The following ARID1B variants were observed in gnomAD, a reference collection of about 807,000 sequenced individuals.
ARID1B encodes AT-rich interactive domain-containing protein 1B.
ARID1B carries 30 observed loss-of-function variants against 212.3 expected under a neutral mutation model. The observed-to-expected ratio is 0.14, with a 90% CI of 0.11 to 0.19. The LOEUF (loss-of-function observed/expected upper bound fraction) is 0.19. Ranked by LOEUF, ARID1B falls within the 10% of genes least tolerant of loss-of-function variation. The probability of loss-of-function intolerance (pLI) is 1.00; values close to 1 mark genes in which losing one functional copy is unlikely to be tolerated. For missense variants in ARID1B, 2,891 were observed against 3,204.0 expected (o/e 0.90, Z 2.36); for synonymous variants, 1,402 against 1,301.7 (o/e 1.08, Z -1.66).
chr6:156,957,886 C>T (rs1794084856), intron 4 of ARID1B, among the ~76,000 whole-genome samples: 1 of 152,096 alleles, frequency 6.6e-6, no homozygotes, highest in African/African-American at 2.4e-5. Flanking sequence ...CCCTTCCAAG[C>T]CCCCCAAACA....
chr6:156,782,143 T>G (rs891550220), intron 1 of ARID1B, among the ~76,000 whole-genome samples: 3 of 151,780 alleles, frequency 2.0e-5, no homozygotes, highest in Non-Finnish European at 4.4e-5. Context: ...TTATTTAGTA[T>G]TAGTTGTTGT....
At position 157,206,220 on chromosome 6, in the gene ARID1B, C is replaced by T; in HGVS notation, c.5448C>T (p.Asp1816=). The part of the protein sequence containing the change: ...LVEYFRKCLI[D]IFGILMEYEV... ...AGTACTTTAGAAAATGCCTGATTGACATTTTTGGAATTCTTATGGAATATG... is the reference window on the plus strand; with the variant it reads ...AGTACTTTAGAAAATGCCTGATTGATATTTTTGGAATTCTTATGGAATATG... Residue 1816 remains aspartate (D), a synonymous_variant, in exon 20 of 20, where the codon GAC becomes GAT. Transcript: ENST00000636930. The surrounding 1 kb of genome is among the most constrained non-coding windows in gnomAD (Gnocchi z 6.8). 2 of 1,614,172 alleles carry T rather than the reference C, an allele frequency of 1.2e-6. No homozygotes were observed. The highest frequency in any genetic ancestry group is 1.7e-6 in the Non-Finnish European group (2 of 1,180,030).
intron 1 of ARID1B, among the ~76,000 whole-genome samples, chr6:156,791,461 A>G (rs1780001063): frequency 6.6e-6 from 1 of 152,176 alleles, no homozygotes; most frequent in Non-Finnish European, 1.5e-5. Context: ...GTTTAAGACA[A>G]CCCCTTACGT....
chr6:157,168,550 G>A (rs1199336018), intron 9 of ARID1B: 1 of 152,144 alleles, frequency 6.6e-6, no homozygotes, highest in African/African-American at 2.4e-5. Context: ...TTACTTGAGA[G>A]CATTGAAACC....
At chr6:157,023,853 T>C (rs1172015332) in intron 4 of ARID1B, 1 of 152,222 alleles carries the variant, frequency 6.6e-6, no homozygotes, top group African/African-American at 2.4e-5. Context: ...TTGCCAAAGG[T>C]AGTCTTGATG....
At chr6:156,815,648 G>C (rs924266351) in intron 1 of ARID1B, among the ~76,000 whole-genome samples, 1 of 152,052 alleles carries the variant, frequency 6.6e-6, no homozygotes, top group Non-Finnish European at 1.5e-5. Flanking sequence ...CACATGAGAG[G>C]CCCAGTGATT....
intron 1 of ARID1B, among the ~76,000 whole-genome samples, chr6:156,790,459 C>T (rs1430880367): frequency 2.0e-5 from 3 of 152,134 alleles, no homozygotes; most frequent in African/African-American, 7.2e-5. Flanking sequence ...CAGACAATAA[C>T]TCTGGCCTCA....
chr6:156,782,153 T>A (rs73572241), intron 1 of ARID1B, among the ~76,000 whole-genome samples: 3,186 of 151,926 alleles, frequency 0.021, 119 homozygotes, highest in African/African-American at 0.073. Context: ...TTAGTTGTTG[T>A]AATTATACTA....
At chr6:156,849,026 A>G (rs1327529207) in intron 2 of ARID1B, among the ~76,000 whole-genome samples, 1 of 152,188 alleles carries the variant, frequency 6.6e-6, no homozygotes. Context: ...ACTTTCACTA[A>G]TTAACTGAGC....
In ARID1B at chr6:157,200,580, T is replaced by C. The variant is rs895849468; in HGVS notation, c.4480-125T>C. The C allele has an allele frequency of 2.2e-5, 24 of 1,088,218 alleles. No homozygotes were observed. The highest frequency in any genetic ancestry group is 7.9e-5 in the African/African-American group (5 of 63,054). 67.4% of individuals were successfully genotyped at this position (1,088,218 alleles called of 1,614,324 possible). On this transcript the variant is annotated intron_variant, in intron 17 of 19. Coordinates refer to ENST00000636930, the MANE Select transcript of ARID1B (RefSeq NM_001374828.1). This position sits in a 1 kb window ranked among gnomAD's most constrained non-coding sequence, Gnocchi z 4.3. ...ATAAATTGTTAGTTCTCTGTTGTTA[T>C]AGGAGCTTCCCATATTCATTTTGAA... is the stretch of plus-strand genomic sequence containing the variant.
At chr6:156,794,971 G>T (rs934160651) in intron 1 of ARID1B, among the ~76,000 whole-genome samples, 2 of 152,172 alleles carry the variant, frequency 1.3e-5, no homozygotes, top group Non-Finnish European at 2.9e-5. Flanking sequence ...GGCTACAAGG[G>T]CTGGAGGGTG....
intron 2 of ARID1B, among the ~76,000 whole-genome samples, chr6:156,847,076 T>C (rs1265616113): frequency 2.0e-5 from 3 of 152,102 alleles, no homozygotes; most frequent in Non-Finnish European, 4.4e-5. Context: ...TTTAATGGGG[T>C]CCCATGGAAG....
chr6:156,912,549 C>G (rs1292245557), intron 3 of ARID1B, among the ~76,000 whole-genome samples: 4 of 152,126 alleles, frequency 2.6e-5, no homozygotes, highest in Admixed American at 2.6e-4. Flanking sequence ...TTTGCATTTC[C>G]CTAAGGCTAT....
At chr6:156,815,049 G>A (rs911204753) in intron 1 of ARID1B, among the ~76,000 whole-genome samples, 23 of 152,278 alleles carry the variant, frequency 1.5e-4, no homozygotes, top group Middle Eastern at 3.4e-3. Context: ...GCGTGCTTAC[G>A]TGTTTTGAGT....
chr6:156,936,349 A>AAAAAAAAAAAC (rs1311998705), intron 4 of ARID1B: 1 of 151,956 alleles, frequency 6.6e-6, no homozygotes. Context: ...TCTCAAAAAA[A>AAAAAAAAAAAC]AAAAAAAAAA....
chr6:156,994,449 G>A (rs1247765955), intron 4 of ARID1B, among the ~76,000 whole-genome samples: 2 of 151,718 alleles, frequency 1.3e-5, no homozygotes, highest in Non-Finnish European at 2.9e-5. Flanking sequence ...ACGAGGCTCC[G>A]TTATTGATTT....
At chr6:157,186,493 G>A (rs1435279540) in intron 13 of ARID1B, 3 of 471,164 alleles carry the variant, frequency 6.4e-6, no homozygotes, top group South Asian at 1.5e-5. Context: ...AGGCACCCTG[G>A]TCTTCAGAAG....
chr6:157,053,363 G>A (rs1305803680), intron 4 of ARID1B, among the ~76,000 whole-genome samples: 1 of 152,112 alleles, frequency 6.6e-6, no homozygotes, highest in African/African-American at 2.4e-5. Flanking sequence ...TGGGATTACA[G>A]GTGTGAGCCA....
intron 4 of ARID1B, among the ~76,000 whole-genome samples, chr6:157,049,842 C>T (rs1213633306): frequency 8.5e-5 from 13 of 152,164 alleles, no homozygotes; most frequent in East Asian, 7.7e-4. Flanking sequence ...TAAAGCTTCT[C>T]ACATTGTATT....
Sources: allele counts gnomAD v4.1 joint callset (sites outside exome capture counted in the v4.1 genomes callset), GRCh38; gene constraint gnomAD v4.1.1; non-coding constraint Gnocchi (gnomAD v3.1); transcripts MANE v1.5; gene names NCBI Gene and HGNC (gene_info 2026-07-23, HGNC 2026-07-21).